GRTP1: variants seen among roughly 807,000 people sequenced by gnomAD.
The protein encoded by GRTP1 is growth hormone regulated TBC protein 1, also known as growth hormone-regulated TBC protein 1.
In GRTP1, 56 loss-of-function variants were observed where a neutral mutation model predicts 38.1. That is an observed-to-expected ratio of 1.47 (90% CI 1.19 to 1.84). The LOEUF (loss-of-function observed/expected upper bound fraction) is 1.84. Among genes scored for constraint, GRTP1 ranks in the 40% most tolerant of loss-of-function variants. The pLI, the probability that GRTP1 is intolerant of heterozygous loss-of-function variation, is 0.00. For missense variants in GRTP1, 506 were observed against 453.9 expected, an observed-to-expected ratio of 1.11 and a Z score of -1.04; for synonymous variants, 217 against 189.5, an observed-to-expected ratio of 1.14 and a Z score of -1.19.
chr13:113,325,775 TAA>T lies in GRTP1; in HGVS notation c.805_806del (p.Leu269AsnfsTer2). 1 of 1,614,118 alleles carries T rather than the reference TAA, an allele frequency of 6.2e-7. No homozygotes were observed. Among genetic ancestry groups the T allele is most frequent in the East Asian group, 2.2e-5 (1 of 44,868 alleles). ...SKIIFRVALT[L>X]IKQHQELILE... ...AAATCAACTCCTGGTGCTGCTTAAT[TAA>T]GGTCAGGGCCACCCGGAAGATAATC... is the stretch of plus-strand genomic sequence containing the variant. On this transcript the variant is annotated frameshift_variant, in exon 7 of 8. Transcript: ENST00000375431. LOFTEE classifies it high-confidence loss of function.
intron 2 of GRTP1, among the ~76,000 whole-genome samples, chr13:113,356,953 A>G (rs1800345537): frequency 1.3e-5 from 2 of 152,232 alleles, no homozygotes; most frequent in South Asian, 2.1e-4. Context: ...TTATACAAGG[A>G]CAACGAGGGA....
intron 7 of GRTP1, chr13:113,324,815 C>A: frequency 8.0e-7 from 1 of 1,250,214 alleles, no homozygotes; most frequent in South Asian, 2.4e-5. Flanking sequence ...AAAAGGCCAT[C>A]TGCTTCCATT....
intron 3 of GRTP1, among the ~76,000 whole-genome samples, chr13:113,354,319 C>T (rs999836962): frequency 2.6e-5 from 4 of 152,166 alleles, no homozygotes; most frequent in Non-Finnish European, 4.4e-5. Context: ...CCCCTCCCCA[C>T]TGGCTCAGCC....
intron 2 of GRTP1, among the ~76,000 whole-genome samples, chr13:113,362,468 C>T (rs1003123023): frequency 1.3e-5 from 2 of 152,152 alleles, no homozygotes; most frequent in Admixed American, 6.5e-5. Context: ...TAACTTCCAT[C>T]TCTATAAAAA....
chr13:113,355,124 A>G, intron 3 of GRTP1, 199 bp downstream of exon 3: 1 of 556,444 alleles, frequency 1.8e-6, no homozygotes, highest in East Asian at 3.0e-5. Context: ...GCACGTGAAT[A>G]TCTGCTGAGT....
intron 5 of GRTP1, among the ~76,000 whole-genome samples, chr13:113,338,760 A>C (rs2042988685): frequency 6.6e-6 from 1 of 152,064 alleles, no homozygotes; most frequent in Non-Finnish European, 1.5e-5. Context: ...CTCCAACCCC[A>C]GTCTTTCCAT....
At chr13:113,360,696 C>A (rs535713626) in intron 2 of GRTP1, among the ~76,000 whole-genome samples, 2 of 152,328 alleles carry the variant, frequency 1.3e-5, no homozygotes, top group South Asian at 4.1e-4. Flanking sequence ...CAGAACAGGC[C>A]CACAGCCCTG....
In GRTP1 at chr13:113,325,939, C is replaced by T. The variant is rs931179643; in HGVS notation, c.715G>A (p.Val239Met). ...LVSRWFICLF[V>M]DILPVETVLR... is the part of the protein sequence containing the mutation. ...CTCACCTCCACGGGCAAGATGTCCA[C>T]AAACAGGCAGATGAACCAGCGGGAC... Residue 239 changes from valine to methionine, a missense_variant, in exon 6 of 8, where the codon GTG (valine) becomes ATG (methionine). Transcript: ENST00000375431. 10 of 1,613,898 alleles carry T rather than the reference C, an allele frequency of 6.2e-6. No homozygotes were observed. In the African/African-American group the frequency reaches 1.1e-4, roughly 17 times the overall value.
intron 3 of GRTP1, among the ~76,000 whole-genome samples, chr13:113,352,264 T>TA (rs1566437518): frequency 3.6e-4 from 28 of 76,774 alleles, no homozygotes; most frequent in South Asian, 9.0e-4. Flanking sequence ...TTATATATTT[T>TA]TATATTTTTA....
intron 2 of GRTP1, among the ~76,000 whole-genome samples, chr13:113,356,999 A>C (rs1013576796): frequency 6.6e-6 from 1 of 152,246 alleles, no homozygotes; most frequent in Non-Finnish European, 1.5e-5. Context: ...CACTAATGCC[A>C]TCCACTGAAA....
In GRTP1 at chr13:113,348,321, C is replaced by T. The variant is rs2043205050; in HGVS notation, c.465+2528G>A. Among the ~76,000 whole-genome samples the T allele has an allele frequency of 6.6e-6, 1 of 152,070 alleles. No homozygotes were observed. Among genetic ancestry groups the T allele is most frequent in the Admixed American group, 6.6e-5 (1 of 15,262 alleles). ...TACAAAAATTACTCGAGCGTGGTGG[C>T]GCACCTGTGGTCCCAGCTACTCAGG... On this transcript the variant is annotated intron_variant, in intron 4 of 7. Coordinates refer to ENST00000375431, the MANE Select transcript of GRTP1 (RefSeq NM_024719.4). The surrounding 1 kb of genome is among the most constrained non-coding windows in gnomAD (Gnocchi z 4.8).
At chr13:113,335,398 G>A (rs1027284564) in intron 5 of GRTP1, among the ~76,000 whole-genome samples, 5 of 149,688 alleles carry the variant, frequency 3.3e-5, no homozygotes, top group Admixed American at 2.7e-4. Flanking sequence ...ACTCCAGCCT[G>A]AGAGACAGAG....
At chr13:113,333,695 G>A (rs987397364) in intron 5 of GRTP1, among the ~76,000 whole-genome samples, 1 of 150,826 alleles carries the variant, frequency 6.6e-6, no homozygotes, top group East Asian at 2.0e-4. Flanking sequence ...AGTAGAGATG[G>A]GGTTTTGCCA....
intron 5 of GRTP1, among the ~76,000 whole-genome samples, chr13:113,330,494 AG>A (rs2042847916): frequency 7.5e-6 from 1 of 133,582 alleles, no homozygotes; most frequent in Non-Finnish European, 1.6e-5. Context: ...ATGGGAGCCC[AG>A]GTGTGTGCAT....
At chr13:113,362,610 G>T (rs999970930) in intron 2 of GRTP1, among the ~76,000 whole-genome samples, 1 of 152,084 alleles carries the variant, frequency 6.6e-6, no homozygotes, top group African/African-American at 2.4e-5. Context: ...CACTCAGAGG[G>T]ATACCCTGTC....
At chr13:113,329,956 C>G (rs1165473925) in intron 5 of GRTP1, among the ~76,000 whole-genome samples, 1 of 152,184 alleles carries the variant, frequency 6.6e-6, no homozygotes, top group Non-Finnish European at 1.5e-5. Context: ...GTAGCTGATG[C>G]AAGTGTGCAT....
At chr13:113,362,909 C>T (rs566213967) in intron 2 of GRTP1, among the ~76,000 whole-genome samples, 15 of 152,338 alleles carry the variant, frequency 9.8e-5, no homozygotes, top group African/African-American at 3.6e-4. Context: ...AAGCCCTCAC[C>T]CCAGGCAGAC....
At chr13:113,331,910 G>T (rs2042876854) in intron 5 of GRTP1, among the ~76,000 whole-genome samples, 1 of 150,504 alleles carries the variant, frequency 6.6e-6, no homozygotes, top group African/African-American at 2.4e-5. Context: ...ACCCACCTCG[G>T]CCTCCCAAAG....
At chr13:113,355,541 G>A (rs925843759) in intron 2 of GRTP1, 60 bp from the exon 3 acceptor site, 17 of 1,490,856 alleles carry the variant, frequency 1.1e-5, no homozygotes, top group African/African-American at 4.2e-5. Flanking sequence ...GGGCCCACGC[G>A]TTCCTGCCAC....
Sources: gnomAD v4.1 joint callset for allele counts (sites outside exome capture counted in the v4.1 genomes callset) on GRCh38, gnomAD v4.1.1 for gene constraint, Gnocchi (gnomAD v3.1) non-coding constraint, MANE v1.5 for transcripts, NCBI Gene and HGNC (gene_info 2026-07-23, HGNC 2026-07-21) for gene names.